Variants in SLC36A3 observed in about 807,000 individuals in gnomAD.
SLC36A3 encodes the protein solute carrier family 36 member 3.
In SLC36A3, 35 loss-of-function variants were observed where a neutral mutation model predicts 44.3. That is an observed-to-expected ratio of 0.79 (90% CI 0.60 to 1.05). The LOEUF (loss-of-function observed/expected upper bound fraction) is 1.05. SLC36A3 is among the 50% of genes least tolerant of loss of function. The probability of loss-of-function intolerance (pLI) is 0.00; values close to 1 mark genes in which losing one functional copy is unlikely to be tolerated. For synonymous variants in SLC36A3, 211 were observed against 227.6 expected, an observed-to-expected ratio of 0.93 and a Z score of 0.66; for missense variants, 540 against 578.7, an observed-to-expected ratio of 0.93 and a Z score of 0.69.
At chr5:151,282,977 C>G (rs1403619035) in intron 8 of SLC36A3, among the ~76,000 whole-genome samples, 1 of 151,832 alleles carries the variant, frequency 6.6e-6, no homozygotes, top group East Asian at 1.9e-4. Context: ...CTCTGCCTCA[C>G]AGGCTCAAGC....
intron 8 of SLC36A3, among the ~76,000 whole-genome samples, chr5:151,281,797 G>A (rs1204894519): frequency 1.3e-5 from 2 of 152,042 alleles, no homozygotes; most frequent in Non-Finnish European, 2.9e-5. Context: ...ACTCCAGCCT[G>A]GGCAACAGAG....
At position 151,300,048 on chromosome 5, in the gene SLC36A3, C is replaced by T. The variant is rs551261792; in HGVS notation, c.129-1365G>A. On this transcript the variant is annotated intron_variant, in intron 1 of 9. Coordinates refer to ENST00000335230, the MANE Select transcript of SLC36A3 (RefSeq NM_181774.4). ...GGGCTGGTTTAAGCAAGTAGAAGTG[C>T]CCCCTCCACCCAAGAACAAAAGGGT... Among the ~76,000 whole-genome samples, 13 of 152,272 alleles carry T rather than the reference C, an allele frequency of 8.5e-5. 1 individual carries two copies. Among genetic ancestry groups the T allele is most frequent in the Middle Eastern group, 3.4e-3 (1 of 294 alleles).
rs61152120 is a variant in SLC36A3 at position 151,293,343 on chromosome 5, T to C, written c.404+21A>G. 4.5e-4 allele frequency: 710 copies of C among 1,595,164 alleles called. 4 individuals carry two copies. The East Asian group carries it at 0.011, about 25-fold the overall frequency. On this transcript the variant is annotated intron_variant, in intron 4 of 9. Coordinates refer to ENST00000335230, the MANE Select transcript of SLC36A3 (RefSeq NM_181774.4). ...ATATGATGATTTTTGTTGTTACTAC[T>C]ACAACATCTGTGACTACTACCTTCC...
chr5:151,284,902 C>T (rs1456959418), intron 6 of SLC36A3, among the ~76,000 whole-genome samples, 191 bp from the exon 7 acceptor site: 1 of 152,170 alleles, frequency 6.6e-6, no homozygotes, highest in South Asian at 2.1e-4. Flanking sequence ...ATACACATAA[C>T]ATTTTACCAT....
chr5:151,302,792 T>C (rs539862413), intron 1 of SLC36A3, among the ~76,000 whole-genome samples: 1 of 152,064 alleles, frequency 6.6e-6, no homozygotes, highest in African/African-American at 2.4e-5. Flanking sequence ...GTGTCTGAGT[T>C]TGGGGCAGTA....
chr5:151,303,498 G>A lies in SLC36A3; in HGVS notation c.-144C>T, dbSNP rs1056266996. 16 of 803,316 alleles carry A rather than the reference G, an allele frequency of 2.0e-5. No individual in the cohort carries two copies. The highest frequency in any genetic ancestry group is 2.9e-5 in the Non-Finnish European group (15 of 521,300). 49.8% of individuals were successfully genotyped at this position (803,316 alleles called of 1,614,324 possible). A position where few individuals can be genotyped will look rare whatever the true frequency, so the allele number is the denominator to read the frequency against. Reference sequence around the variant, plus strand: ...GGATGCGTGCTGCTGGCTGAAGCCTGAAGTGCATGAATCAGGGAAGCGGTG... The same window carrying A: ...GGATGCGTGCTGCTGGCTGAAGCCTAAAGTGCATGAATCAGGGAAGCGGTG... On this transcript the variant is annotated 5_prime_UTR_variant, in exon 1 of 10. Coordinates refer to ENST00000335230, the MANE Select transcript of SLC36A3 (RefSeq NM_181774.4).
intron 4 of SLC36A3, among the ~76,000 whole-genome samples, chr5:151,291,371 C>T (rs1754753040): frequency 6.6e-6 from 1 of 152,182 alleles, no homozygotes; most frequent in Non-Finnish European, 1.5e-5. Flanking sequence ...GGTTTCCAAA[C>T]AAGTCTACAC....
rs1007908875 is a variant in SLC36A3, at chr5:151,276,590, A to G, written c.*803T>C. Among the ~76,000 whole-genome samples the G allele has an allele frequency of 3.9e-5, 6 of 152,160 alleles. No homozygotes were observed. Among genetic ancestry groups the G allele is most frequent in the African/African-American group, 9.7e-5 (4 of 41,440 alleles). ...TTTGTACAAGTCTTTTTATGGATAT[A>G]TATTTCTTTTTTCTGGAGTGGAATA... is the stretch of plus-strand genomic sequence containing the variant. On this transcript the variant is annotated 3_prime_UTR_variant, in exon 10 of 10. Coordinates refer to ENST00000335230, the MANE Select transcript of SLC36A3 (RefSeq NM_181774.4).
At chr5:151,303,163 A>T (rs1224999870) in intron 1 of SLC36A3, 64 bp downstream of exon 1, 1 of 1,547,508 alleles carries the variant, frequency 6.5e-7, no homozygotes, top group Non-Finnish European at 8.7e-7. Context: ...AGGAAGACAT[A>T]GTCCAGAGTT....
At chr5:151,301,251 TG>T (rs996073553) in intron 1 of SLC36A3, among the ~76,000 whole-genome samples, 25 of 152,192 alleles carry the variant, frequency 1.6e-4, no homozygotes, top group African/African-American at 6.0e-4. Context: ...CCTTTTTGCC[TG>T]GGGACCATTC....
At chr5:151,282,696 T>C (rs1561628897) in intron 8 of SLC36A3, among the ~76,000 whole-genome samples, 1 of 152,192 alleles carries the variant, frequency 6.6e-6, no homozygotes, top group Non-Finnish European at 1.5e-5. Flanking sequence ...AACTTAGAAG[T>C]TAAAATGCTG....
At chr5:151,282,794 A>T (rs1754371615) in intron 8 of SLC36A3, among the ~76,000 whole-genome samples, 1 of 151,970 alleles carries the variant, frequency 6.6e-6, no homozygotes, top group African/African-American at 2.4e-5. Context: ...CTGCTTTCCC[A>T]TGTCCTTGCC....
At chr5:151,296,337 G>A in intron 2 of SLC36A3, 69 bp from the exon 3 acceptor site, 3 of 1,358,656 alleles carry the variant, frequency 2.2e-6, no homozygotes, top group Non-Finnish European at 3.1e-6. Context: ...CCCTCTCACA[G>A]TCTGCGTGCT....
chr5:151,279,175 C>T (rs1335898320), intron 9 of SLC36A3, among the ~76,000 whole-genome samples: 1 of 152,250 alleles, frequency 6.6e-6, no homozygotes, highest in African/African-American at 2.4e-5. Context: ...TGAAGTGTCA[C>T]TCCACTGGAG....
intron 1 of SLC36A3, among the ~76,000 whole-genome samples, chr5:151,301,617 C>A (rs560900025): frequency 1.3e-5 from 2 of 152,018 alleles, no homozygotes; most frequent in Non-Finnish European, 2.9e-5. Context: ...CTCTAATTCC[C>A]GAATGCTCAG....
At chr5:151,282,339 T>A (rs1754355406) in intron 8 of SLC36A3, among the ~76,000 whole-genome samples, 1 of 151,926 alleles carries the variant, frequency 6.6e-6, no homozygotes, top group African/African-American at 2.4e-5. Context: ...CAGCTAATTT[T>A]ATATTTTTAG....
intron 3 of SLC36A3, among the ~76,000 whole-genome samples, chr5:151,294,061 A>C (rs1030405241): frequency 2.6e-5 from 4 of 152,214 alleles, no homozygotes; most frequent in African/African-American, 9.6e-5. Flanking sequence ...GCACGGCATA[A>C]ATTGCAGGAC....
intron 7 of SLC36A3, 98 bp downstream of exon 7, chr5:151,284,515 C>T: frequency 1.0e-6 from 1 of 965,918 alleles, no homozygotes; most frequent in East Asian, 2.5e-5. Context: ...TCAGAGTCTG[C>T]ACCTTTTCAT....
intron 3 of SLC36A3, among the ~76,000 whole-genome samples, chr5:151,294,442 T>C (rs562218159): frequency 7.9e-5 from 12 of 152,186 alleles, no homozygotes; most frequent in Admixed American, 2.6e-4. Flanking sequence ...GTAGGGAACA[T>C]TGGAGACTGT....
Sources: gnomAD v4.1 joint callset for allele counts (sites outside exome capture counted in the v4.1 genomes callset) on GRCh38, gnomAD v4.1.1 for gene constraint, MANE v1.5 for transcripts, NCBI Gene and HGNC (gene_info 2026-07-23, HGNC 2026-07-21) for gene names.